Variants in CLIP4 observed in about 807,000 individuals in gnomAD.
CLIP4 encodes the protein CAP-Gly domain containing linker protein family member 4.
In CLIP4, 47 loss-of-function variants were observed where a neutral mutation model predicts 73.1. The observed-to-expected ratio is 0.64, with a 90% confidence interval of 0.51 to 0.82. CLIP4 has a LOEUF of 0.82. Ranked by LOEUF, CLIP4 falls within the 40% of genes least tolerant of loss-of-function variation. The probability of loss-of-function intolerance (pLI) is 0.00; values close to 1 mark genes in which losing one functional copy is unlikely to be tolerated. For missense variants in CLIP4, 874 were observed against 852.9 expected (o/e 1.02, Z -0.31); for synonymous variants, 306 against 295.4 (o/e 1.04, Z -0.37).
chr2:29,101,069 T>A (rs551618418), intron 1 of CLIP4, among the ~76,000 whole-genome samples: 263 of 151,932 alleles, frequency 1.7e-3, no homozygotes, highest in Non-Finnish European at 2.9e-3. Context: ...GGCAGGCGGA[T>A]CACCTGAAGT....
chr2:29,126,618 G>T (rs1327367749), intron 2 of CLIP4, among the ~76,000 whole-genome samples: 1 of 152,204 alleles, frequency 6.6e-6, no homozygotes, highest in Non-Finnish European at 1.5e-5. Flanking sequence ...TTCCAGATTT[G>T]CTCTTGGAGC....
At chr2:29,136,434 C>T (rs1311831497) in intron 6 of CLIP4, among the ~76,000 whole-genome samples, 1 of 152,046 alleles carries the variant, frequency 6.6e-6, no homozygotes, top group Non-Finnish European at 1.5e-5. Context: ...TTAATTTCTT[C>T]TCTTCCTCCC....
intron 7 of CLIP4, among the ~76,000 whole-genome samples, chr2:29,145,002 CTTA>C (rs1666054856): frequency 6.6e-6 from 1 of 151,528 alleles, no homozygotes; most frequent in South Asian, 2.1e-4. Context: ...AATTGACTCC[CTTA>C]TTATTATTTA....
intron 14 of CLIP4, among the ~76,000 whole-genome samples, chr2:29,170,057 T>C (rs1039824980): frequency 1.3e-4 from 20 of 152,218 alleles, no homozygotes; most frequent in African/African-American, 4.1e-4. Flanking sequence ...TCCAGTTCCA[T>C]CCATGTTGCT....
chr2:29,108,619 T>A (rs1196109021), intron 1 of CLIP4, among the ~76,000 whole-genome samples: 1 of 152,234 alleles, frequency 6.6e-6, no homozygotes, highest in Non-Finnish European at 1.5e-5. Flanking sequence ...TCAGCTTTAA[T>A]AATTATCAAT....
chr2:29,168,798 A>C (rs1288115229), intron 14 of CLIP4, among the ~76,000 whole-genome samples: 1 of 152,076 alleles, frequency 6.6e-6, no homozygotes, highest in Non-Finnish European at 1.5e-5. Context: ...CTGGGATTAC[A>C]GGTGTGAGCC....
At chr2:29,098,843 TC>T (rs1345693364) in intron 1 of CLIP4, among the ~76,000 whole-genome samples, 1 of 152,244 alleles carries the variant, frequency 6.6e-6, no homozygotes, top group Admixed American at 6.5e-5. Context: ...GAGTGAAAGT[TC>T]CTGTGTTCCA....
intron 2 of CLIP4, among the ~76,000 whole-genome samples, chr2:29,121,944 T>C (rs944655063): frequency 6.6e-6 from 1 of 152,244 alleles, no homozygotes; most frequent in Non-Finnish European, 1.5e-5. Flanking sequence ...TTGGTCCATT[T>C]ACATCTCCTC....
chr2:29,152,584 A>G (rs541469163), intron 8 of CLIP4, 101 bp from the exon 9 acceptor site: 9 of 1,256,444 alleles, frequency 7.2e-6, no homozygotes, highest in Admixed American at 4.8e-5. Flanking sequence ...AGTGGGCACT[A>G]AAGGTTTATA....
chr2:29,152,663 A>G, intron 8 of CLIP4, 22 bp from the exon 9 acceptor site: 2 of 1,608,008 alleles, frequency 1.2e-6, no homozygotes, highest in African/African-American at 1.3e-5. Context: ...GTTTAACACT[A>G]AAATTCTGCA....
At chr2:29,150,205 C>T (rs1666460442) in intron 8 of CLIP4, among the ~76,000 whole-genome samples, 1 of 152,186 alleles carries the variant, frequency 6.6e-6, no homozygotes, top group African/African-American at 2.4e-5. Context: ...CCTTCTACCC[C>T]ATCCCACTTT....
chr2:29,144,667 CT>C (rs1666021830), intron 7 of CLIP4, among the ~76,000 whole-genome samples: 1 of 152,016 alleles, frequency 6.6e-6, no homozygotes, highest in South Asian at 2.1e-4. Context: ...GGTATTTCTC[CT>C]AATGCTATCC....
chr2:29,127,954 A>G (rs761233591), intron 2 of CLIP4, among the ~76,000 whole-genome samples: 6 of 152,202 alleles, frequency 3.9e-5, no homozygotes, highest in Non-Finnish European at 8.8e-5. Context: ...ATAAAATTAT[A>G]CCAGAACATA....
At chr2:29,136,606 G>A (rs891353287) in intron 6 of CLIP4, among the ~76,000 whole-genome samples, 32 of 152,102 alleles carry the variant, frequency 2.1e-4, no homozygotes, top group Admixed American at 1.8e-3. Flanking sequence ...ATGATGGGGC[G>A]GGGGTGGCAG....
chr2:29,117,137 C>T (rs1243998680), intron 1 of CLIP4, among the ~76,000 whole-genome samples: 5 of 152,092 alleles, frequency 3.3e-5, no homozygotes, highest in Non-Finnish European at 7.4e-5. Flanking sequence ...ATTGTTTTCT[C>T]ATCTGGAGAG....
chr2:29,146,631 T>C lies in CLIP4; in HGVS notation c.1021+1264T>C, dbSNP rs530971185. Among the ~76,000 whole-genome samples, 18 of 152,306 alleles carry C rather than the reference T, an allele frequency of 1.2e-4. 1 individual carries two copies. In the East Asian group the frequency reaches 1.3e-3, roughly 11 times the overall value. ...TTTAGAACATTGTTTTCCACGATTG[T>C]GTAGTATTCATCTTGTGGCCTGATG... On this transcript the variant is annotated intron_variant, in intron 8 of 15. Coordinates refer to ENST00000320081, the MANE Select transcript of CLIP4 (RefSeq NM_024692.6).
At chr2:29,114,220 C>T (rs1292514607), upstream of CLIP4, 2 of 152,272 alleles carry the variant, frequency 1.3e-5, no homozygotes, top group South Asian at 2.1e-4. Context: ...TTCCTCTCCG[C>T]ACTTGGCAGG....
At chr2:29,109,519 A>G (rs1668327984) in intron 1 of CLIP4, among the ~76,000 whole-genome samples, 1 of 152,256 alleles carries the variant, frequency 6.6e-6, no homozygotes, top group African/African-American at 2.4e-5. Flanking sequence ...AGAACATTCA[A>G]TATCCTCCTT....
chr2:29,107,384 T>TGTTTTTTTTG (rs1222656957), intron 1 of CLIP4, among the ~76,000 whole-genome samples: 2 of 126,072 alleles, frequency 1.6e-5, no homozygotes, highest in African/African-American at 6.1e-5. Context: ...TTTTTTTTTT[T>TGTTTTTTTTG]TTTTTGAGAT....
Sources: allele counts gnomAD v4.1 joint callset (sites outside exome capture counted in the v4.1 genomes callset), GRCh38; gene constraint gnomAD v4.1.1; transcripts MANE v1.5; gene names NCBI Gene and HGNC (gene_info 2026-07-23, HGNC 2026-07-21).